The following HPS4 variants were observed in gnomAD, a reference collection of about 807,000 sequenced individuals.
The protein encoded by HPS4 is HPS4 biogenesis of lysosomal organelles complex 3 subunit 2.
HPS4 carries 44 observed loss-of-function variants against 70.3 expected under a neutral mutation model. The observed-to-expected ratio is 0.63, with a 90% CI of 0.49 to 0.80. The LOEUF is 0.80. Ranked by LOEUF, HPS4 falls within the 30% of genes least tolerant of loss-of-function variation. The pLI, the probability that HPS4 is intolerant of heterozygous loss-of-function variation, is 0.00. For missense variants in HPS4, 873 were observed against 884.4 expected, an observed-to-expected ratio of 0.99 and a Z score of 0.16; for synonymous variants, 377 against 355.9, an observed-to-expected ratio of 1.06 and a Z score of -0.67.
chr22:26,483,655 C>T lies in HPS4; in HGVS notation c.-479+19G>A, dbSNP rs1052666767. On this transcript the variant is annotated intron_variant, in intron 1 of 13. Transcript: ENST00000398145. ...GCCCGCCCCTCGGTATCCCCGCGCT[C>T]CGAGCGCCGCCCACCCACCGGAGTA... 4.6e-5 allele frequency: 17 copies of T among 366,466 alleles called. No individual in the cohort carries two copies. The highest frequency in any genetic ancestry group is 8.2e-5 in the Non-Finnish European group (17 of 207,264). The allele number at this position is 366,466 out of a possible 1,614,324, so 22.7% of individuals were successfully genotyped here.
At chr22:26,453,634 C>G (rs2085573400) in intron 13 of HPS4, 1 of 575,416 alleles carries the variant, frequency 1.7e-6, no homozygotes, top group Admixed American at 2.8e-5. Flanking sequence ...GTGGCGGGAC[C>G]ATCCACAGTG....
Position 26,464,019 on chromosome 22 carries a change from C to T in HPS4, c.1611G>A (p.Gly537=). ...GAGTGTAGAGATTCATCCTCACGAG[C>T]CCCATGCAGGACTCTGCTGGTGTCA... is the stretch of plus-strand genomic sequence containing the variant. ...SRLTPAESCM[G]LVRMNLYTHC... The change falls in exon 11 of 14, where the codon GGG becomes GGA. Residue 537 remains glycine (G), a synonymous_variant. Coordinates refer to ENST00000398145, the MANE Select transcript of HPS4 (RefSeq NM_022081.6). 1 of 1,614,244 alleles carries T rather than the reference C, an allele frequency of 6.2e-7. No individual in the cohort carries two copies. Among genetic ancestry groups the T allele is most frequent in the African/African-American group, 1.3e-5 (1 of 75,062 alleles).
chr22:26,465,124 A>G (rs1479830427), intron 10 of HPS4, among the ~76,000 whole-genome samples: 1 of 152,212 alleles, frequency 6.6e-6, no homozygotes, highest in Non-Finnish European at 1.5e-5. Flanking sequence ...CTGTACCTAT[A>G]CTATTTTCAA....
rs1602081599 is a variant in HPS4, at chr22:26,477,129, A to G, written c.140T>C (p.Leu47Pro). 1 of 1,614,234 alleles carries G rather than the reference A, an allele frequency of 6.2e-7. No homozygotes were observed. Among genetic ancestry groups the G allele is most frequent in the Non-Finnish European group, 8.5e-7 (1 of 1,180,040 alleles). ...ICYFYPSQTL[L>P]DQQELLCGQI... ...TCCACAAAGCAACTCCTGTTGGTCT[A>G]GCAGGGTCTGTGGGAAAGGAGCACA... is the stretch of plus-strand genomic sequence containing the variant. The change falls in exon 4 of 14, where the codon CTA (leucine) becomes CCA (proline). Residue 47 changes from leucine (L) to proline (P), a missense_variant. Physicochemically the swap from Leu to Pro is moderately conservative, Grantham distance 98 (BLOSUM62 -3). Coordinates refer to ENST00000398145, the MANE Select transcript of HPS4 (RefSeq NM_022081.6).
downstream of HPS4, among the ~76,000 whole-genome samples, chr22:26,446,964 G>A (rs553041026): frequency 9.5e-4 from 144 of 152,318 alleles, no homozygotes; most frequent in African/African-American, 3.4e-3. Context: ...AACCTCAAGT[G>A]ATCAGCCTGC....
downstream of HPS4, among the ~76,000 whole-genome samples, chr22:26,449,971 C>T (rs1479208825): frequency 6.6e-6 from 1 of 152,200 alleles, no homozygotes; most frequent in African/African-American, 2.4e-5. Flanking sequence ...TTTTCTGGCA[C>T]CTGGTGGCTG....
chr22:26,475,623 A>C (rs1299870249), intron 4 of HPS4: 4 of 151,218 alleles, frequency 2.6e-5, no homozygotes, highest in Admixed American at 2.6e-4. Context: ...AAGTGCTGGG[A>C]TTACAGGCCT....
intron 11 of HPS4, among the ~76,000 whole-genome samples, chr22:26,459,104 C>T (rs577423633): frequency 6.6e-6 from 1 of 152,326 alleles, no homozygotes; most frequent in Admixed American, 6.5e-5. Flanking sequence ...CAGCCTGGGA[C>T]CATCCCGCAT....
chr22:26,472,456 T>G (rs764143658), intron 5 of HPS4, 38 bp from the exon 6 acceptor site: 9 of 1,288,202 alleles, frequency 7.0e-6, no homozygotes, highest in South Asian at 1.2e-5. Flanking sequence ...ATCTGAGATT[T>G]TGAGGGACAG....
chr22:26,468,678 T>C, intron 7 of HPS4, 55 bp from the exon 8 acceptor site: 1 of 1,537,576 alleles, frequency 6.5e-7, no homozygotes, highest in Non-Finnish European at 9.0e-7. Context: ...ACCAAAACAC[T>C]CCAAATTTTA....
intron 4 of HPS4, 116 bp downstream of exon 4, chr22:26,476,877 A>G: frequency 9.1e-7 from 1 of 1,096,744 alleles, no homozygotes; most frequent in Non-Finnish European, 1.4e-6. Flanking sequence ...TACTAAACAC[A>G]GTACATGGAT....
intron 11 of HPS4, among the ~76,000 whole-genome samples, chr22:26,458,922 G>A (rs1399408667): frequency 2.0e-5 from 3 of 151,798 alleles, no homozygotes; most frequent in African/African-American, 7.3e-5. Context: ...ATGTTCTAAT[G>A]TTTTTAAAAA....
Position 26,453,353 on chromosome 22 carries a change from A to G in HPS4, c.2007T>C (p.Tyr669=). 6.2e-7 allele frequency: 1 copy of G among 1,614,182 alleles called. No homozygotes were observed. Among genetic ancestry groups the G allele is most frequent in the Non-Finnish European group, 8.5e-7 (1 of 1,180,030 alleles). Reference sequence around the variant, plus strand: ...GTGCTGCAGGTGCCAGCTGCTGGAAATATGTCTCCTGGATGGGGTTGCAAC... The same window carrying G: ...GTGCTGCAGGTGCCAGCTGCTGGAAGTATGTCTCCTGGATGGGGTTGCAAC... ...YACCNPIQET[Y]FQQLAPAARS... is the part of the protein sequence containing the mutation. The change falls in exon 14 of 14, where the codon TAT becomes TAC. Residue 669 remains tyrosine (Y), a synonymous_variant. Coordinates refer to ENST00000398145, the MANE Select transcript of HPS4 (RefSeq NM_022081.6).
chr22:26,458,129 G>A (rs905775942), intron 12 of HPS4, among the ~76,000 whole-genome samples, 162 bp from the exon 13 acceptor site: 1 of 152,262 alleles, frequency 6.6e-6, no homozygotes, highest in South Asian at 2.1e-4. Flanking sequence ...TTCGGCTGCC[G>A]CCGCTGTGCG....
intron 9 of HPS4, chr22:26,465,826 A>G (rs915671815): frequency 1.1e-5 from 6 of 553,384 alleles, no homozygotes; most frequent in Admixed American, 3.1e-5. Flanking sequence ...AGAAGAAGAT[A>G]TAAGCTAAGA....
At chr22:26,467,088 A>G (rs2088792212) in intron 8 of HPS4, 1 of 152,186 alleles carries the variant, frequency 6.6e-6, no homozygotes, top group Admixed American at 6.5e-5. Context: ...TTGAGGCCAC[A>G]CTATATAAAA....
chr22:26,444,342 C>T (rs1156665649), exon 4 of HPS4: 1 of 151,976 alleles, frequency 6.6e-6, no homozygotes, highest in Non-Finnish European at 1.5e-5. Flanking sequence ...CACTGCGTGA[C>T]AATGACCCAA....
chr22:26,462,819 G>A (rs1410560655), intron 11 of HPS4, among the ~76,000 whole-genome samples: 3 of 152,182 alleles, frequency 2.0e-5, no homozygotes, highest in South Asian at 2.1e-4. Context: ...TATGGTGAAT[G>A]GGGATACAGG....
downstream of HPS4, chr22:26,443,264 T>TGGTCC: frequency 7.0e-7 from 1 of 1,435,230 alleles, no homozygotes; most frequent in African/African-American, 1.4e-5. Flanking sequence ...GGGCAGACTG[T>TGGTCC]GGTCCGGTCC....
Sources: gnomAD v4.1 joint callset for allele counts (sites outside exome capture counted in the v4.1 genomes callset) on GRCh38, gnomAD v4.1.1 for gene constraint, MANE v1.5 for transcripts, NCBI Gene and HGNC (gene_info 2026-07-23, HGNC 2026-07-21) for gene names.